The following DGKB variants were observed in gnomAD, a reference collection of about 807,000 sequenced individuals.
The protein encoded by DGKB is 90 kDa diacylglycerol kinase.
A neutral mutation model predicts 114.3 loss-of-function variants in DGKB; 67 were observed. The ratio of observed to expected loss-of-function variants is 0.59; its 90% CI spans 0.48 to 0.72. The LOEUF (loss-of-function observed/expected upper bound fraction) is 0.72. Ranked by LOEUF, DGKB falls within the 30% of genes least tolerant of loss-of-function variation. The pLI, the probability that DGKB is intolerant of heterozygous loss-of-function variation, is 0.00. For synonymous variants in DGKB, 398 were observed against 323.1 expected (o/e 1.23, Z -2.49); for missense variants, 907 against 975.2 (o/e 0.93, Z 0.93).
intron 2 of DGKB, among the ~76,000 whole-genome samples, chr7:14,791,131 G>T (rs1840610949): frequency 6.6e-6 from 1 of 152,088 alleles, no homozygotes; most frequent in African/African-American, 2.4e-5. Context: ...GTGCCTGGCA[G>T]AATTTTTTAG....
intron 2 of DGKB, among the ~76,000 whole-genome samples, chr7:14,796,573 TACCAAGAGG>T (rs1841437756): frequency 6.6e-6 from 1 of 151,488 alleles, no homozygotes; most frequent in African/African-American, 2.4e-5. Context: ...AAGCAATGAA[TACCAAGAGG>T]TGGAAGTGGT....
chr7:14,888,192 T>G (rs1330696121), intron 1 of DGKB, among the ~76,000 whole-genome samples: 1 of 151,692 alleles, frequency 6.6e-6, no homozygotes, highest in East Asian at 1.9e-4. Context: ...TCAAAGCCAA[T>G]TTAAGTATGA....
At chr7:14,515,697 A>T (rs957763217) in intron 20 of DGKB, among the ~76,000 whole-genome samples, 1 of 152,220 alleles carries the variant, frequency 6.6e-6, no homozygotes, top group African/African-American at 2.4e-5. Context: ...TGTCTTTGTC[A>T]TCTAGAAATA....
chr7:14,682,941 T>C, intron 10 of DGKB, 100 bp from the exon 11 acceptor site: 1 of 783,282 alleles, frequency 1.3e-6, no homozygotes, highest in Non-Finnish European at 2.2e-6. Flanking sequence ...TCATATCCAC[T>C]GCTCCCTAAT....
intron 21 of DGKB, among the ~76,000 whole-genome samples, chr7:14,457,883 T>G (rs571400103): frequency 6.6e-6 from 1 of 152,210 alleles, no homozygotes; most frequent in Admixed American, 6.5e-5. Context: ...GGACTACTGG[T>G]GTAAAAAATC....
chr7:14,316,410 G>C (rs1377822916), intron 23 of DGKB, among the ~76,000 whole-genome samples: 1 of 120,558 alleles, frequency 8.3e-6, no homozygotes, highest in South Asian at 3.2e-4. Context: ...GAAAAAAAGA[G>C]AGAAGAATCA....
In DGKB at chr7:14,806,068, C is replaced by CT. The variant is rs200108860; in HGVS notation, c.70+35125dup. ...ATTTTACTCAGAAAGTAGTTGAGAT[C>CT]TTTTCTTTTATAAATTTACATTACA... On this transcript the variant is annotated intron_variant, in intron 2 of 25. Coordinates refer to ENST00000402815, the MANE Select transcript of DGKB (RefSeq NM_001350709.2). Among the ~76,000 whole-genome samples, 91 of 151,434 alleles carry CT rather than the reference C, an allele frequency of 6.0e-4. 3 individuals are homozygous for CT. The highest frequency in any genetic ancestry group is 5.0e-3 in the East Asian group (26 of 5,178).
chr7:14,339,604 A>G (rs1272606950), intron 22 of DGKB, among the ~76,000 whole-genome samples: 2 of 152,062 alleles, frequency 1.3e-5, no homozygotes, highest in Non-Finnish European at 2.9e-5. Flanking sequence ...ACTACTGGAC[A>G]TATGTGGACA....
At chr7:14,187,724 C>A (rs763457057) in intron 23 of DGKB, among the ~76,000 whole-genome samples, 1 of 152,082 alleles carries the variant, frequency 6.6e-6, no homozygotes, top group Non-Finnish European at 1.5e-5. Flanking sequence ...CCTACAAAAG[C>A]TACTCCATAA....
chr7:14,950,262 C>T (rs1587442817), intron 1 of DGKB, among the ~76,000 whole-genome samples: 1 of 151,820 alleles, frequency 6.6e-6, no homozygotes. Context: ...AATACAATGT[C>T]TAAAGTCACA....
chr7:14,705,391 T>G (rs1213489523), intron 6 of DGKB, among the ~76,000 whole-genome samples: 5 of 149,876 alleles, frequency 3.3e-5, no homozygotes, highest in Admixed American at 1.3e-4. Flanking sequence ...TGGAAAACAC[T>G]CTGCAGGATA....
At chr7:14,821,814 A>C (rs1844976871) in intron 2 of DGKB, among the ~76,000 whole-genome samples, 1 of 152,186 alleles carries the variant, frequency 6.6e-6, no homozygotes, top group African/African-American at 2.4e-5. Context: ...CATGGAGAAG[A>C]GGCAAGAAGA....
chr7:14,199,309 G>C (rs182233438), intron 23 of DGKB, among the ~76,000 whole-genome samples: 1 of 151,964 alleles, frequency 6.6e-6, no homozygotes, highest in South Asian at 2.1e-4. Context: ...AAATATTAAA[G>C]TGGTGGGGGG....
chr7:14,329,585 C>G (rs925949686), intron 23 of DGKB, among the ~76,000 whole-genome samples: 1 of 151,758 alleles, frequency 6.6e-6, no homozygotes, highest in African/African-American at 2.4e-5. Context: ...TTTAATAGTT[C>G]TTTCATGCTT....
At chr7:14,424,324 T>G (rs1431536) in intron 21 of DGKB, among the ~76,000 whole-genome samples, 34,741 of 151,970 alleles carry the variant, frequency 0.23, 5,254 homozygotes, top group East Asian at 0.69. Context: ...TGTGGATCTG[T>G]CCTTGATGCT....
chr7:14,370,557 G>C (rs1384647711), intron 21 of DGKB, among the ~76,000 whole-genome samples: 1 of 152,168 alleles, frequency 6.6e-6, no homozygotes, highest in Non-Finnish European at 1.5e-5. Flanking sequence ...CTATCCGTGA[G>C]CATGGAATGT....
intron 6 of DGKB, among the ~76,000 whole-genome samples, chr7:14,715,415 G>C (rs564793076): frequency 6.6e-6 from 1 of 152,140 alleles, no homozygotes; most frequent in Non-Finnish European, 1.5e-5. Flanking sequence ...AGCACTTGAA[G>C]TTAGAAGGGC....
intron 7 of DGKB, among the ~76,000 whole-genome samples, chr7:14,698,435 TA>T (rs894031586): frequency 6.6e-6 from 1 of 152,122 alleles, no homozygotes; most frequent in Non-Finnish European, 1.5e-5. Context: ...TTTCTTCTAC[TA>T]AAAGAGAGTG....
chr7:14,217,820 G>C (rs1182340994), intron 23 of DGKB, among the ~76,000 whole-genome samples: 1 of 152,058 alleles, frequency 6.6e-6, no homozygotes. Flanking sequence ...CTCTCCTCAA[G>C]ACAGGTGACT....
Sources: allele counts gnomAD v4.1 joint callset (sites outside exome capture counted in the v4.1 genomes callset), GRCh38; gene constraint gnomAD v4.1.1; transcripts MANE v1.5; gene names NCBI Gene and HGNC (gene_info 2026-07-23, HGNC 2026-07-21).